GSTZ1: variants seen among roughly 807,000 people sequenced by gnomAD.
GSTZ1 encodes the protein glutathione S-transferase zeta 1.
GSTZ1 carries 34 observed loss-of-function variants against 35.9 expected under a neutral mutation model. The observed-to-expected ratio is 0.95, with a 90% confidence interval of 0.72 to 1.26. GSTZ1 has a LOEUF of 1.26. Among genes scored for constraint, GSTZ1 ranks in the 50% most tolerant of loss-of-function variants. The probability of loss-of-function intolerance (pLI) is 0.00; values close to 1 mark genes in which losing one functional copy is unlikely to be tolerated. For synonymous variants in GSTZ1, 93 were observed against 101.2 expected (o/e 0.92, Z 0.49); for missense variants, 263 against 271.7 (o/e 0.97, Z 0.23).
At chr14:77,328,840 C>G in intron 5 of GSTZ1, 3 of 478,014 alleles carry the variant, frequency 6.3e-6, no homozygotes, top group Non-Finnish European at 1.2e-5. Context: ...ACAGCCATGG[C>G]CGCGTCCTGT....
At chr14:77,330,955 C>A in intron 8 of GSTZ1, 114 bp from the exon 9 acceptor site, 1 of 1,003,074 alleles carries the variant, frequency 1.0e-6, no homozygotes, top group Non-Finnish European at 1.5e-6. Context: ...TCGTCCTTCC[C>A]TGGACAGCTC....
At chr14:77,328,849 G>A in intron 5 of GSTZ1, 1 of 513,704 alleles carries the variant, frequency 1.9e-6, no homozygotes, top group South Asian at 2.1e-5. Flanking sequence ...GCCGCGTCCT[G>A]TGTCACATGA....
intron 1 of GSTZ1, chr14:77,323,132 C>A (rs1371224845): frequency 2.0e-5 from 3 of 152,092 alleles, no homozygotes; most frequent in Admixed American, 2.0e-4. Flanking sequence ...CACCCAGCTG[C>A]CCCCAAGGGC....
intron 1 of GSTZ1, chr14:77,321,572 C>T (rs368945116): frequency 1.6e-6 from 2 of 1,213,724 alleles, no homozygotes; most frequent in African/African-American, 1.6e-5. Flanking sequence ...AGGTGACCTT[C>T]CAGTAATGTT....
In GSTZ1 at chr14:77,330,192, G is replaced by A. The variant is rs765248607; in HGVS notation, c.475-118G>A. The A allele has an allele frequency of 6.2e-5, 51 of 817,976 alleles. No homozygotes were observed. In the Middle Eastern group the frequency reaches 1.1e-3, roughly 18 times the overall value. 50.7% of individuals were successfully genotyped at this position (817,976 alleles called of 1,614,324 possible). A position where few individuals can be genotyped will look rare whatever the true frequency, so the allele number is the denominator to read the frequency against. ...GCAGACAAGAATTGGAGGTGGGATG[G>A]GTGAAAGAGCCGAAGCAGATTGTTG... On this transcript the variant is annotated intron_variant, in intron 7 of 8. Coordinates refer to ENST00000216465, the MANE Select transcript of GSTZ1 (RefSeq NM_145870.3).
chr14:77,321,240 G>C, intron 1 of GSTZ1, 57 bp downstream of exon 1: 1 of 1,534,782 alleles, frequency 6.5e-7, no homozygotes, highest in Non-Finnish European at 8.8e-7. Flanking sequence ...AGACCCTGGG[G>C]GGCGGGGTCA....
At chr14:77,329,098 C>G in intron 5 of GSTZ1, 25 bp from the exon 6 acceptor site, 1 of 1,564,016 alleles carries the variant, frequency 6.4e-7, no homozygotes. Flanking sequence ...TCAGCGCAAT[C>G]ACAGATTTTC....
chr14:77,321,861 C>T (rs915656413), intron 1 of GSTZ1, among the ~76,000 whole-genome samples: 1 of 145,090 alleles, frequency 6.9e-6, no homozygotes, highest in African/African-American at 2.6e-5. Flanking sequence ...CCAGCCTGGG[C>T]GAAAGAGCGG....
At chr14:77,325,022 C>A in intron 2 of GSTZ1, 101 bp downstream of exon 2, 1 of 966,836 alleles carries the variant, frequency 1.0e-6, no homozygotes, top group Non-Finnish European at 1.7e-6. Context: ...GTTGCTCTGT[C>A]AGAGAGGACC....
At chr14:77,327,688 G>T (rs765591724) in intron 4 of GSTZ1, 136 bp downstream of exon 4, 21 of 746,262 alleles carry the variant, frequency 2.8e-5, no homozygotes, top group Non-Finnish European at 4.9e-5. Context: ...CGTGGGGAGG[G>T]TGCGAGGTTA....
intron 1 of GSTZ1, chr14:77,323,297 AC>A: frequency 6.6e-6 from 1 of 151,872 alleles, no homozygotes; most frequent in Non-Finnish European, 1.5e-5. Flanking sequence ...AAGAAAAAAA[AC>A]AAACAGGTGT....
Position 77,321,072 on chromosome 14 carries a change from C to A in GSTZ1, c.-97C>A. On this transcript the variant is annotated 5_prime_UTR_variant, in exon 1 of 9. Transcript: ENST00000216465. ...CCTCGCTTTACCCGGACGAAAGACA[C>A]GGGCCTGATTCGTCGAGTCTCACTG... 3 of 1,255,984 alleles carry A rather than the reference C, an allele frequency of 2.4e-6. No individual in the cohort carries two copies. The highest frequency in any genetic ancestry group is 3.2e-6 in the Non-Finnish European group (3 of 930,196). 77.8% of individuals were successfully genotyped at this position (1,255,984 alleles called of 1,614,324 possible).
chr14:77,322,080 CT>C lies in GSTZ1; in HGVS notation c.15+901del, dbSNP rs150750696. Among the ~76,000 whole-genome samples the C allele has an allele frequency of 5.0e-3, 758 of 152,268 alleles. 6 individuals carry two copies. The highest frequency in any genetic ancestry group is 0.017 in the African/African-American group (715 of 41,566). The stretch of plus-strand genomic sequence containing the variant: ...AACGTGCCATGAAGTTTGAGAACCA[CT>C]TTTGTGGCACTAAGGAAGGTGGCAC... On this transcript the variant is annotated intron_variant, in intron 1 of 8. Transcript: ENST00000216465.
chr14:77,321,586 A>G (rs1891980814), intron 1 of GSTZ1: 1 of 1,170,966 alleles, frequency 8.5e-7, no homozygotes, highest in Admixed American at 4.1e-5. Flanking sequence ...TAATGTTTGT[A>G]TTTTAAGAGT....
chr14:77,327,288 G>A, intron 3 of GSTZ1, 184 bp from the exon 4 acceptor site: 1 of 616,438 alleles, frequency 1.6e-6, no homozygotes, highest in East Asian at 2.7e-5. Context: ...CTATGGCTCA[G>A]CAGCAGCTGG....
intron 1 of GSTZ1, chr14:77,324,150 G>C (rs1266213651): frequency 6.8e-6 from 1 of 146,302 alleles, no homozygotes; most frequent in Non-Finnish European, 1.4e-5. Flanking sequence ...GGAAAAAAAT[G>C]CCTTTTTTTT....
chr14:77,329,069 G>A, intron 5 of GSTZ1, 54 bp from the exon 6 acceptor site: 1 of 1,283,108 alleles, frequency 7.8e-7, no homozygotes, highest in South Asian at 1.2e-5. Flanking sequence ...TTGGCGAAGG[G>A]GTAGCCCCCA....
intron 3 of GSTZ1, 85 bp downstream of exon 3, chr14:77,326,990 C>G: frequency 1.1e-6 from 1 of 910,946 alleles, no homozygotes; most frequent in Non-Finnish European, 1.8e-6. Context: ...AGGCTCTGCC[C>G]CAGAGAAGTG....
chr14:77,326,168 A>T (rs1467364960), intron 2 of GSTZ1: 1 of 152,230 alleles, frequency 6.6e-6, no homozygotes, highest in African/African-American at 2.4e-5. Context: ...TGACCCACCC[A>T]AGTTTTTTTT....
Sources: allele counts gnomAD v4.1 joint callset (sites outside exome capture counted in the v4.1 genomes callset), GRCh38; gene constraint gnomAD v4.1.1; transcripts MANE v1.5; gene names NCBI Gene and HGNC (gene_info 2026-07-23, HGNC 2026-07-21).